The following KLF8 variants were observed in gnomAD, a reference collection of about 807,000 sequenced individuals.
KLF8 encodes Krueppel-like factor 8.
In KLF8, 10 loss-of-function variants were observed where a neutral mutation model predicts 18.2. The ratio of observed to expected loss-of-function variants is 0.55; its 90% CI spans 0.34 to 0.93. The LOEUF is 0.93. Ranked by LOEUF, KLF8 falls within the 40% of genes least tolerant of loss-of-function variation. KLF8 has a pLI of 0.02. For synonymous variants in KLF8, 109 were observed against 97.3 expected, an observed-to-expected ratio of 1.12 and a Z score of -0.71; for missense variants, 264 against 277.9, an observed-to-expected ratio of 0.95 and a Z score of 0.36.
chrX:56,201,206 C>A, the KLF8 span, among the ~76,000 whole-genome samples: 7 of 111,850 alleles, frequency 6.3e-5, no homozygotes, highest in Non-Finnish European at 9.4e-5. Flanking sequence ...AAGAAAACAA[C>A]CTAAATGTCC....
the KLF8 span, among the ~76,000 whole-genome samples, chrX:56,164,530 G>T: frequency 3.2e-5 from 3 of 94,782 alleles, no homozygotes; most frequent in Non-Finnish European, 4.2e-5. Context: ...CTATGAGGTT[G>T]CATTGCACAT....
the KLF8 span, among the ~76,000 whole-genome samples, chrX:56,182,434 T>C: frequency 1.8e-5 from 2 of 109,804 alleles, no homozygotes; most frequent in Admixed American, 9.6e-5. Context: ...GAGGAGTTTG[T>C]TATTGCTGAT....
chrX:56,060,775 G>T, the KLF8 span, among the ~76,000 whole-genome samples: 1 of 112,009 alleles, frequency 8.9e-6, no homozygotes, highest in Non-Finnish European at 1.9e-5. Flanking sequence ...AATGGTACCA[G>T]CTCCTCTTTG....
At chrX:56,043,245 T>A in the KLF8 span, among the ~76,000 whole-genome samples, 9 of 107,787 alleles carry the variant, frequency 8.3e-5, no homozygotes, top group African/African-American at 2.7e-4. Flanking sequence ...GCCCTTAAAA[T>A]TTTTTTTTTT....
At chrX:56,169,345 C>G in the KLF8 span, among the ~76,000 whole-genome samples, 114 of 110,972 alleles carry the variant, frequency 1.0e-3, 1 homozygote, top group Non-Finnish European at 1.9e-3. Flanking sequence ...TGTTTTGCAC[C>G]CTAGGTACCA....
the KLF8 span, among the ~76,000 whole-genome samples, chrX:56,159,817 G>A: frequency 4.6e-4 from 51 of 110,896 alleles, no homozygotes; most frequent in Admixed American, 4.0e-3. Flanking sequence ...TATCAATTTC[G>A]TTGATCTTTT....
chrX:56,042,770 A>G, the KLF8 span, among the ~76,000 whole-genome samples: 1 of 111,338 alleles, frequency 9.0e-6, no homozygotes, highest in African/African-American at 3.3e-5. Context: ...CAGCAATTAG[A>G]TGGGTCTTGG....
the KLF8 span, among the ~76,000 whole-genome samples, chrX:56,081,679 G>A: frequency 1.8e-5 from 2 of 111,663 alleles, no homozygotes; most frequent in African/African-American, 6.5e-5. Flanking sequence ...GTAGTTTTTT[G>A]TTATGAAAGT....
the KLF8 span, among the ~76,000 whole-genome samples, chrX:56,079,630 T>G: frequency 8.9e-6 from 1 of 111,848 alleles, no homozygotes; most frequent in African/African-American, 3.3e-5. Context: ...TGATTTGTGG[T>G]GGAGAGTTCT....
the KLF8 span, among the ~76,000 whole-genome samples, chrX:55,989,061 A>G: frequency 8.9e-6 from 1 of 112,043 alleles, no homozygotes; most frequent in South Asian, 3.7e-4. Flanking sequence ...TTGTATCCTG[A>G]GACATTGCTG....
rs1305219730 is a variant in KLF8 at position 56,248,042 on chromosome X, A to G, written c.8-2189A>G. Among the ~76,000 whole-genome samples the G allele has an allele frequency of 8.1e-5, 9 of 111,600 alleles. No homozygotes were observed. The East Asian group carries it at 2.5e-3, about 31-fold the overall frequency. On this transcript the variant is annotated intron_variant, in intron 1 of 5. Coordinates refer to ENST00000468660, the MANE Select transcript of KLF8 (RefSeq NM_007250.5). ...TTTGCACTGTGACATTACAGCGGGTATGATATCACTAGGTGATAGGAATTT... is the reference window on the plus strand; with the variant it reads ...TTTGCACTGTGACATTACAGCGGGTGTGATATCACTAGGTGATAGGAATTT...
the KLF8 span, among the ~76,000 whole-genome samples, chrX:55,980,453 A>T: frequency 9.0e-6 from 1 of 111,674 alleles, no homozygotes; most frequent in Admixed American, 9.5e-5. Context: ...AATTTGGGTC[A>T]TGTTGAGTTT....
chrX:56,066,031 T>C, the KLF8 span, among the ~76,000 whole-genome samples: 1 of 111,596 alleles, frequency 9.0e-6, no homozygotes, highest in African/African-American at 3.3e-5. Context: ...ACAGGCAGTT[T>C]CACCATTTGC....
At chrX:56,046,846 T>C in the KLF8 span, among the ~76,000 whole-genome samples, 2 of 111,482 alleles carry the variant, frequency 1.8e-5, no homozygotes, top group African/African-American at 3.3e-5. Flanking sequence ...ACCTGATGAC[T>C]ATGTGCTTAG....
At chrX:56,102,882 C>T in the KLF8 span, among the ~76,000 whole-genome samples, 3 of 103,828 alleles carry the variant, frequency 2.9e-5, no homozygotes, top group Non-Finnish European at 4.0e-5. Flanking sequence ...GGTATATCTC[C>T]TAATGCTATC....
At chrX:56,064,188 G>C in the KLF8 span, among the ~76,000 whole-genome samples, 1 of 107,765 alleles carries the variant, frequency 9.3e-6, no homozygotes, top group Non-Finnish European at 1.9e-5. Flanking sequence ...ATGCAGTCTT[G>C]TGTGGGTCTT....
chrX:56,119,013 T>C, the KLF8 span, among the ~76,000 whole-genome samples: 2 of 110,050 alleles, frequency 1.8e-5, no homozygotes, highest in Non-Finnish European at 3.8e-5. Context: ...GAGAATGTTG[T>C]ATGTAACTCT....
the KLF8 span, among the ~76,000 whole-genome samples, chrX:56,159,775 T>C: frequency 5.4e-5 from 6 of 111,638 alleles, no homozygotes; most frequent in African/African-American, 1.6e-4. Context: ...GATTCTTCTC[T>C]CTTTTCTTCT....
chrX:56,099,797 G>T, the KLF8 span, among the ~76,000 whole-genome samples: 2 of 111,784 alleles, frequency 1.8e-5, no homozygotes, highest in Non-Finnish European at 3.8e-5. Context: ...TGTTGAAGAG[G>T]CTGCAGAAGA....
Sources: gnomAD v4.1 joint callset for allele counts (sites outside exome capture counted in the v4.1 genomes callset) on GRCh38, gnomAD v4.1.1 for gene constraint, MANE v1.5 for transcripts, NCBI Gene and HGNC (gene_info 2026-07-23, HGNC 2026-07-21) for gene names.